The following RIGI variants were observed in gnomAD, a reference collection of about 807,000 sequenced individuals.
The protein encoded by RIGI is RNA sensor RIG-I.
chr9:32,457,136 C>T, the RIGI span: 1 of 1,613,062 alleles, frequency 6.2e-7, no homozygotes. Context: ...TTGGACATTT[C>T]TGCTGGATCA....
the RIGI span, among the ~76,000 whole-genome samples, chr9:32,507,137 C>A: frequency 3.3e-5 from 5 of 152,012 alleles, no homozygotes; most frequent in Admixed American, 3.3e-4. Flanking sequence ...TCCAAAACAC[C>A]CAAACATGGT....
the RIGI span, chr9:32,493,877 A>G: frequency 6.2e-7 from 1 of 1,609,344 alleles, no homozygotes; most frequent in South Asian, 1.1e-5. Context: ...AGTAATCTAT[A>G]CTCCTCCAAC....
At chr9:32,514,303 C>G in the RIGI span, among the ~76,000 whole-genome samples, 1 of 151,926 alleles carries the variant, frequency 6.6e-6, no homozygotes, top group African/African-American at 2.4e-5. Context: ...TTGTTCACAA[C>G]AGCAAAGACT....
chr9:32,485,460 T>C, the RIGI span: 3 of 642,996 alleles, frequency 4.7e-6, no homozygotes, highest in Non-Finnish European at 8.3e-6. Flanking sequence ...ATGCTCAAAA[T>C]GCAATGGCTC....
the RIGI span, among the ~76,000 whole-genome samples, chr9:32,504,067 A>C: frequency 8.6e-5 from 13 of 151,318 alleles, no homozygotes; most frequent in South Asian, 4.2e-4. Context: ...ACACACACAC[A>C]CCCAGGTCTG....
chr9:32,471,313 T>C, the RIGI span, among the ~76,000 whole-genome samples: 1 of 152,210 alleles, frequency 6.6e-6, no homozygotes, highest in African/African-American at 2.4e-5. Context: ...AGCCCAAATC[T>C]TGAGATATAT....
the RIGI span, among the ~76,000 whole-genome samples, chr9:32,464,084 C>G: frequency 6.6e-6 from 1 of 151,458 alleles, no homozygotes; most frequent in Non-Finnish European, 1.5e-5. Context: ...TGACAGCAGG[C>G]CACACACAGA....
At chr9:32,517,925 C>T in the RIGI span, among the ~76,000 whole-genome samples, 1 of 152,148 alleles carries the variant, frequency 6.6e-6, no homozygotes, top group African/African-American at 2.4e-5. Context: ...GAAATATAAT[C>T]ATTGGATGTT....
the RIGI span, among the ~76,000 whole-genome samples, chr9:32,472,780 T>C: frequency 6.6e-6 from 1 of 152,212 alleles, no homozygotes; most frequent in Non-Finnish European, 1.5e-5. Flanking sequence ...CTCTCATATA[T>C]ATGTATAATC....
the RIGI span, chr9:32,487,562 G>A: frequency 6.2e-7 from 1 of 1,614,152 alleles, no homozygotes; most frequent in East Asian, 2.2e-5. Flanking sequence ...CACACAGCTT[G>A]CAGATATAAT....
chr9:32,470,566 C>G, the RIGI span, among the ~76,000 whole-genome samples: 1 of 152,092 alleles, frequency 6.6e-6, no homozygotes, highest in South Asian at 2.1e-4. Flanking sequence ...CATAAGCAGG[C>G]AGTGAGCCAG....
chr9:32,464,328 T>C, the RIGI span, among the ~76,000 whole-genome samples: 2 of 152,070 alleles, frequency 1.3e-5, no homozygotes, highest in African/African-American at 4.8e-5. Context: ...CCTAGAACCA[T>C]AATTCCCTTT....
the RIGI span, among the ~76,000 whole-genome samples, chr9:32,466,067 A>G: frequency 6.6e-6 from 1 of 152,238 alleles, no homozygotes; most frequent in Admixed American, 6.5e-5. Flanking sequence ...TCCTAGCTCA[A>G]TTTGCCTTTT....
chr9:32,478,564 T>C, the RIGI span, among the ~76,000 whole-genome samples: 13 of 152,252 alleles, frequency 8.5e-5, no homozygotes, highest in African/African-American at 2.9e-4. Flanking sequence ...GCTTTATTGA[T>C]TGACTGATTG....
the RIGI span, chr9:32,466,526 C>A: frequency 1.6e-6 from 2 of 1,264,432 alleles, no homozygotes; most frequent in East Asian, 2.5e-5. Context: ...TAGAGGTACT[C>A]CTAAAATTCA....
the RIGI span, among the ~76,000 whole-genome samples, chr9:32,514,281 T>C: frequency 1.3e-5 from 2 of 152,242 alleles, no homozygotes; most frequent in Non-Finnish European, 2.9e-5. Context: ...CACATGTATG[T>C]GTCTTGCGGC....
the RIGI span, chr9:32,459,225 T>G: frequency 9.8e-7 from 1 of 1,017,606 alleles, no homozygotes; most frequent in East Asian, 2.8e-5. Flanking sequence ...AGTATTTTTT[T>G]TTCACTTCTT....
chr9:32,525,028 C>G, the RIGI span, among the ~76,000 whole-genome samples: 1 of 152,164 alleles, frequency 6.6e-6, no homozygotes, highest in African/African-American at 2.4e-5. Flanking sequence ...TCCCTGGCGC[C>G]AGGCTCCTTG....
the RIGI span, chr9:32,456,948 CTG>C: frequency 1.7e-6 from 1 of 590,272 alleles, no homozygotes; most frequent in Non-Finnish European, 3.0e-6. Flanking sequence ...ATACTCAGTG[CTG>C]TGATTCACTC....
Sources: gnomAD v4.1 joint callset for allele counts (sites outside exome capture counted in the v4.1 genomes callset) on GRCh38, gnomAD v4.1.1 for gene constraint, MANE v1.5 for transcripts, NCBI Gene and HGNC (gene_info 2026-07-23, HGNC 2026-07-21) for gene names.